The following TSHZ3 variants were observed in gnomAD, a reference collection of about 807,000 sequenced individuals.
The protein encoded by TSHZ3 is teashirt zinc finger homeobox 3, also known as teashirt homolog 3.
TSHZ3 carries 10 observed loss-of-function variants against 64.5 expected under a neutral mutation model. The ratio of observed to expected loss-of-function variants is 0.16; its 90% confidence interval spans 0.10 to 0.26. The LOEUF (loss-of-function observed/expected upper bound fraction) is 0.26, where lower values mean the gene tolerates loss of function less well. TSHZ3 is among the 10% of genes least tolerant of loss of function. The pLI, the probability that TSHZ3 is intolerant of heterozygous loss-of-function variation, is 1.00. For synonymous variants in TSHZ3, 608 were observed against 593.1 expected (o/e 1.03, Z -0.36); for missense variants, 1,242 against 1,421.7 (o/e 0.87, Z 2.03).
At chr19:31,186,721 C>T (rs1244599341) in intron 5 of TSHZ3, among the ~76,000 whole-genome samples, 1 of 152,196 alleles carries the variant, frequency 6.6e-6, no homozygotes, top group Non-Finnish European at 1.5e-5. Flanking sequence ...TCTTCACCAA[C>T]ATTTAGCATT....
chr19:31,260,887 T>C (rs895994555), intron 1 of TSHZ3, among the ~76,000 whole-genome samples: 2 of 152,214 alleles, frequency 1.3e-5, no homozygotes, highest in Admixed American at 1.3e-4. Context: ...ATTCACCACA[T>C]GCATTTTTAA....
chr19:31,273,437 G>A (rs968361922), downstream of TSHZ3, among the ~76,000 whole-genome samples: 1 of 152,194 alleles, frequency 6.6e-6, no homozygotes, highest in Non-Finnish European at 1.5e-5. Context: ...GGAGTGGGGT[G>A]AGGAGATGGG....
chr19:31,315,176 T>C (rs1482340016), intron 1 of TSHZ3, among the ~76,000 whole-genome samples: 1 of 152,266 alleles, frequency 6.6e-6, no homozygotes, highest in African/African-American at 2.4e-5. Flanking sequence ...AAAGGCGCAT[T>C]ATTTGGAATA....
At chr19:31,298,802 C>CT (rs1976705513) in intron 1 of TSHZ3, among the ~76,000 whole-genome samples, 1 of 152,160 alleles carries the variant, frequency 6.6e-6, no homozygotes. Context: ...GCAGCCAGGG[C>CT]TTTTACTGCT....
intron 1 of TSHZ3, among the ~76,000 whole-genome samples, chr19:31,331,014 A>G (rs1917073811): frequency 1.3e-5 from 2 of 152,194 alleles, no homozygotes; most frequent in South Asian, 2.1e-4. Context: ...CGGGCTTCCT[A>G]AAATCTCCCT....
At chr19:31,194,847 A>G (rs1435174453) in intron 5 of TSHZ3, among the ~76,000 whole-genome samples, 1 of 152,220 alleles carries the variant, frequency 6.6e-6, no homozygotes, top group Admixed American at 6.5e-5. Flanking sequence ...GACACCATGC[A>G]AGAACAGACA....
intron 5 of TSHZ3, among the ~76,000 whole-genome samples, chr19:31,184,856 A>G (rs1005540280): frequency 1.3e-5 from 2 of 152,244 alleles, no homozygotes; most frequent in African/African-American, 4.8e-5. Flanking sequence ...AGTGAAAATG[A>G]CATTAGCAAA....
At chr19:31,215,791 A>C (rs1740139619) in intron 4 of TSHZ3, among the ~76,000 whole-genome samples, 1 of 152,132 alleles carries the variant, frequency 6.6e-6, no homozygotes, top group African/African-American at 2.4e-5. Flanking sequence ...GAATCACTTG[A>C]ACCCGGGAGG....
chr19:31,157,981 G>A (rs1260926621), intron 5 of TSHZ3, among the ~76,000 whole-genome samples: 3 of 152,150 alleles, frequency 2.0e-5, no homozygotes, highest in African/African-American at 7.2e-5. Flanking sequence ...AACTGCACGT[G>A]GCAGACAACT....
intron 1 of TSHZ3, among the ~76,000 whole-genome samples, chr19:31,287,747 G>A (rs1205791866): frequency 6.6e-6 from 1 of 152,120 alleles, no homozygotes; most frequent in African/African-American, 2.4e-5. Flanking sequence ...TTCTGGAAAG[G>A]ACTCTATGAC....
At chr19:31,249,234 G>A (rs1975800656) in intron 1 of TSHZ3, among the ~76,000 whole-genome samples, 1 of 152,230 alleles carries the variant, frequency 6.6e-6, no homozygotes, top group African/African-American at 2.4e-5. Flanking sequence ...ATCTGTCAAT[G>A]CTGCACCTGC....
Position 31,277,518 on chromosome 19 carries a change from C to G in TSHZ3, c.2275G>C (p.Glu759Gln). 6.2e-7 allele frequency: 1 copy of G among 1,604,686 alleles called. No homozygotes were observed. The highest frequency in any genetic ancestry group is 8.5e-7 in the Non-Finnish European group (1 of 1,174,208). Reference protein sequence around the residue: ...MLFKMSNSLAEKAAVATPPPL... With the variant: ...MLFKMSNSLAQKAAVATPPPL... The stretch of plus-strand genomic sequence containing the variant: ...GGCGGGGTGGCCACAGCAGCCTTCT[C>G]CGCCAGGCTGTTGCTCATCTTGAAA... Residue 759 changes from glutamate to glutamine, a missense_variant, in exon 2 of 2, where the codon GAG becomes CAG. Glu to Gln is a conservative substitution (Grantham distance 29). This residue lies in a region of TSHZ3 where 550 missense variants were observed against 545.1 expected (regional missense o/e 1.01). Coordinates refer to ENST00000240587, the MANE Select transcript of TSHZ3 (RefSeq NM_020856.4). The surrounding 1 kb of genome is among the most constrained non-coding windows in gnomAD (Gnocchi z 4.5).
chr19:31,195,897 G>A (rs1399173596), intron 5 of TSHZ3, among the ~76,000 whole-genome samples: 2 of 151,946 alleles, frequency 1.3e-5, no homozygotes, highest in African/African-American at 4.8e-5. Flanking sequence ...AAATGAGTCA[G>A]TAGGTGATTT....
At chr19:31,347,896 T>C (rs2021562846) in intron 1 of TSHZ3, among the ~76,000 whole-genome samples, 1 of 152,134 alleles carries the variant, frequency 6.6e-6, no homozygotes, top group South Asian at 2.1e-4. Context: ...GCTGGCATGA[T>C]GGAAATTATG....
intron 5 of TSHZ3, among the ~76,000 whole-genome samples, chr19:31,182,337 G>A (rs1028970816): frequency 1.1e-4 from 16 of 152,216 alleles, no homozygotes; most frequent in African/African-American, 3.9e-4. Context: ...TTGTTCCAGG[G>A]AGAAATGAAT....
intron 1 of TSHZ3, among the ~76,000 whole-genome samples, chr19:31,298,687 A>G (rs1976702581): frequency 6.6e-6 from 1 of 152,104 alleles, no homozygotes; most frequent in South Asian, 2.1e-4. Context: ...AGAAGGAGCG[A>G]GAGCCGTCCA....
intron 5 of TSHZ3, among the ~76,000 whole-genome samples, chr19:31,180,852 G>A (rs1047055033): frequency 2.6e-5 from 4 of 152,096 alleles, no homozygotes; most frequent in African/African-American, 4.8e-5. Context: ...AGAGGCTCAC[G>A]CTGGGGCAGG....
intron 5 of TSHZ3, among the ~76,000 whole-genome samples, chr19:31,169,385 T>A (rs1423058916): frequency 6.6e-6 from 1 of 152,138 alleles, no homozygotes; most frequent in African/African-American, 2.4e-5. Context: ...CATTGGTAGA[T>A]GAATAAATGA....
chr19:31,218,370 A>G (rs1213847221), intron 4 of TSHZ3, among the ~76,000 whole-genome samples: 3 of 152,256 alleles, frequency 2.0e-5, no homozygotes, highest in Non-Finnish European at 4.4e-5. Context: ...CACATCTATT[A>G]GCATGGCTGA....
Sources: allele counts gnomAD v4.1 joint callset (sites outside exome capture counted in the v4.1 genomes callset), GRCh38; gene constraint gnomAD v4.1.1; regional missense constraint gnomAD v4.1.1; non-coding constraint Gnocchi (gnomAD v3.1); transcripts MANE v1.5; gene names NCBI Gene and HGNC (gene_info 2026-07-23, HGNC 2026-07-21).